The following RBM38 variants were observed in gnomAD, a reference collection of about 807,000 sequenced individuals.
The protein encoded by RBM38 is RNA-binding protein 38.
In RBM38, 11 loss-of-function variants were observed where a neutral mutation model predicts 23.5. The observed-to-expected ratio is 0.47, with a 90% CI of 0.29 to 0.77. The LOEUF (loss-of-function observed/expected upper bound fraction) is 0.77. Ranked by LOEUF, RBM38 falls within the 30% of genes least tolerant of loss-of-function variation. The probability of loss-of-function intolerance (pLI) is 0.08; values close to 1 mark genes in which losing one functional copy is unlikely to be tolerated. For synonymous variants in RBM38, 165 were observed against 166.1 expected (o/e 0.99, Z 0.05); for missense variants, 330 against 351.9 (o/e 0.94, Z 0.50).
chr20:57,395,827 GGCCCCGGGAGCACA>G (rs2067269307), intron 3 of RBM38, among the ~76,000 whole-genome samples: 1 of 152,200 alleles, frequency 6.6e-6, no homozygotes, highest in Non-Finnish European at 1.5e-5. Context: ...TGAACAATCA[GGCCCCGGGAGCACA>G]GCCGGGCCTG....
intron 3 of RBM38, among the ~76,000 whole-genome samples, chr20:57,403,145 C>T (rs1187301131): frequency 1.3e-5 from 2 of 152,208 alleles, no homozygotes; most frequent in African/African-American, 2.4e-5. Context: ...AGGCATTTTC[C>T]AGTGTCCCCT....
rs188223169 is a variant in RBM38, at chr20:57,408,675, G to C, written c.*829G>C. Reference sequence around the variant, plus strand: ...TATAATAAAGTGTCTGCCGGCTCGCGGGCCAGGATCCTCTCGGTGGGATGG... The same window carrying C: ...TATAATAAAGTGTCTGCCGGCTCGCCGGCCAGGATCCTCTCGGTGGGATGG... On this transcript the variant is annotated 3_prime_UTR_variant, in exon 4 of 4. Transcript: ENST00000356208. The C allele has an allele frequency of 5.9e-5, 9 of 152,036 alleles. No individual in the cohort carries two copies. The highest frequency in any genetic ancestry group is 1.4e-4 in the African/African-American group (6 of 41,390). 9.4% of individuals were successfully genotyped at this position (152,036 alleles called of 1,614,324 possible). A position where few individuals can be genotyped will look rare whatever the true frequency, so the allele number is the denominator to read the frequency against.
At chr20:57,399,336 C>T (rs2067305140) in intron 3 of RBM38, among the ~76,000 whole-genome samples, 1 of 152,180 alleles carries the variant, frequency 6.6e-6, no homozygotes, top group Admixed American at 6.5e-5. Flanking sequence ...TGAGCCTGGA[C>T]TGCCGAGGGT....
intron 3 of RBM38, among the ~76,000 whole-genome samples, chr20:57,400,562 C>T (rs912028436): frequency 4.6e-5 from 7 of 152,194 alleles, no homozygotes; most frequent in South Asian, 2.1e-4. Flanking sequence ...GTCATCCTTC[C>T]GCAGACACCC....
intron 3 of RBM38, among the ~76,000 whole-genome samples, chr20:57,394,555 G>C (rs138097049): frequency 6.6e-6 from 1 of 152,202 alleles, no homozygotes; most frequent in South Asian, 2.1e-4. Flanking sequence ...GGCAGCTCAG[G>C]TTCCTGCCGG....
intron 3 of RBM38, among the ~76,000 whole-genome samples, chr20:57,393,807 T>C (rs952453483): frequency 2.0e-5 from 3 of 152,180 alleles, no homozygotes; most frequent in Admixed American, 6.5e-5. Context: ...CTGATGTTTG[T>C]GAACGTTGCT....
At chr20:57,406,292 CCT>C (rs1188896393) in intron 3 of RBM38, among the ~76,000 whole-genome samples, 3 of 152,192 alleles carry the variant, frequency 2.0e-5, no homozygotes, top group Non-Finnish European at 4.4e-5. Flanking sequence ...CTCATTTCCC[CCT>C]GTGCTGAGGG....
At chr20:57,399,097 A>G (rs1331774830) in intron 3 of RBM38, among the ~76,000 whole-genome samples, 1 of 152,180 alleles carries the variant, frequency 6.6e-6, no homozygotes, top group African/African-American at 2.4e-5. Flanking sequence ...ACAGAGACAA[A>G]GGAGGTCAGC....
intron 3 of RBM38, among the ~76,000 whole-genome samples, chr20:57,400,494 A>G (rs2067316523): frequency 6.6e-6 from 1 of 151,776 alleles, no homozygotes. Context: ...TGGCTCCGTG[A>G]TTTGGGGGTT....
At position 57,407,005 on chromosome 20, in the gene RBM38, A is replaced by C. The variant is rs2067392036; in HGVS notation, c.417-538A>C. On this transcript the variant is annotated intron_variant, in intron 3 of 3. Transcript: ENST00000356208. The surrounding 1 kb of genome is among the most constrained non-coding windows in gnomAD (Gnocchi z 4.0). ...CGAGACTCTGTCTCAAAAAAAAAAAAAAAAACAAACCCTGTGAGGAGCAGG... is the reference window on the plus strand; with the variant it reads ...CGAGACTCTGTCTCAAAAAAAAAAACAAAAACAAACCCTGTGAGGAGCAGG... Among the ~76,000 whole-genome samples, 2 of 150,508 alleles carry C rather than the reference A, an allele frequency of 1.3e-5. No individual in the cohort carries two copies. The highest frequency in any genetic ancestry group is 2.5e-5 in the African/African-American group (1 of 40,236).
At chr20:57,405,151 G>A (rs138258484) in intron 3 of RBM38, among the ~76,000 whole-genome samples, 43 of 152,234 alleles carry the variant, frequency 2.8e-4, no homozygotes, top group Middle Eastern at 3.4e-3. Flanking sequence ...TTCCCCCATC[G>A]CTGTCCACAC....
At chr20:57,398,542 G>A (rs1222949129) in intron 3 of RBM38, among the ~76,000 whole-genome samples, 2 of 146,038 alleles carry the variant, frequency 1.4e-5, no homozygotes, top group Admixed American at 6.6e-5. Context: ...TGGTGGCCCC[G>A]CCGCCCCCCT....
chr20:57,403,427 G>C (rs6014989), intron 3 of RBM38, among the ~76,000 whole-genome samples: 8,088 of 152,244 alleles, frequency 0.053, 671 homozygotes, highest in African/African-American at 0.18. Flanking sequence ...CCCCCTTGGG[G>C]CTTGAGGTGT....
chr20:57,395,483 G>A (rs2067264551), intron 3 of RBM38, among the ~76,000 whole-genome samples: 1 of 152,170 alleles, frequency 6.6e-6, no homozygotes, highest in African/African-American at 2.4e-5. Context: ...AAATCTGCTG[G>A]CTGGCCATTT....
chr20:57,406,880 G>A (rs2067390097), intron 3 of RBM38, among the ~76,000 whole-genome samples: 1 of 152,072 alleles, frequency 6.6e-6, no homozygotes, highest in South Asian at 2.1e-4. Context: ...TGTAGTCCCA[G>A]CTACTCAGGA....
chr20:57,405,515 G>A (rs887951876), intron 3 of RBM38, among the ~76,000 whole-genome samples: 1 of 152,218 alleles, frequency 6.6e-6, no homozygotes, highest in African/African-American at 2.4e-5. Context: ...GTGGGCTGCA[G>A]GTGTGGCCAC....
At chr20:57,399,297 C>G (rs951557119) in intron 3 of RBM38, among the ~76,000 whole-genome samples, 2 of 152,140 alleles carry the variant, frequency 1.3e-5, no homozygotes, top group African/African-American at 2.4e-5. Context: ...TTTTTGTTTT[C>G]AGAGTGTTTT....
At chr20:57,405,257 C>T (rs961377735) in intron 3 of RBM38, among the ~76,000 whole-genome samples, 40 of 152,332 alleles carry the variant, frequency 2.6e-4, no homozygotes, top group Admixed American at 2.1e-3. Flanking sequence ...GAAGCTAAGC[C>T]CCTCGAGGGC....
chr20:57,406,229 C>A (rs1348643185), intron 3 of RBM38, among the ~76,000 whole-genome samples: 1 of 152,200 alleles, frequency 6.6e-6, no homozygotes, highest in Non-Finnish European at 1.5e-5. Context: ...CCCAGGCCAC[C>A]GAGCAGCTGG....
Sources: gnomAD v4.1 joint callset for allele counts (sites outside exome capture counted in the v4.1 genomes callset) on GRCh38, gnomAD v4.1.1 for gene constraint, Gnocchi (gnomAD v3.1) non-coding constraint, MANE v1.5 for transcripts, NCBI Gene and HGNC (gene_info 2026-07-23, HGNC 2026-07-21) for gene names.